GPR149: variants seen among roughly 807,000 people sequenced by gnomAD.
GPR149 encodes probable G protein-coupled receptor 149.
GPR149 carries 50 observed loss-of-function variants against 50.2 expected under a neutral mutation model. That is an observed-to-expected ratio of 1.00 (90% CI 0.79 to 1.26). The LOEUF is 1.26. GPR149 is among the 50% of genes most tolerant of loss of function. The pLI, the probability that GPR149 is intolerant of heterozygous loss-of-function variation, is 0.00. For missense variants in GPR149, 983 were observed against 895.4 expected, an observed-to-expected ratio of 1.10 and a Z score of -1.25; for synonymous variants, 405 against 358.2, an observed-to-expected ratio of 1.13 and a Z score of -1.48.
chr3:154,423,548 G>A (rs775338069), intron 2 of GPR149, among the ~76,000 whole-genome samples: 10 of 151,862 alleles, frequency 6.6e-5, no homozygotes, highest in Non-Finnish European at 1.5e-4. Flanking sequence ...TCACTTAAAT[G>A]GCAAATTCTG....
intron 3 of GPR149, among the ~76,000 whole-genome samples, chr3:154,361,472 T>C (rs1250989925): frequency 2.6e-5 from 4 of 152,240 alleles, no homozygotes; most frequent in Non-Finnish European, 4.4e-5. Flanking sequence ...ATTACTAAGA[T>C]ATTTGCATTT....
intron 3 of GPR149, among the ~76,000 whole-genome samples, chr3:154,383,476 A>G (rs1022469238): frequency 6.6e-6 from 1 of 152,138 alleles, no homozygotes; most frequent in Non-Finnish European, 1.5e-5. Flanking sequence ...CACAGTGAAT[A>G]TGGGGCACAC....
At chr3:154,357,968 T>A (rs918816397) in intron 3 of GPR149, among the ~76,000 whole-genome samples, 2 of 149,818 alleles carry the variant, frequency 1.3e-5, no homozygotes, top group Non-Finnish European at 2.9e-5. Flanking sequence ...CCATAAAAAA[T>A]GATGAGTTCA....
chr3:154,338,021 C>T lies in GPR149; in HGVS notation c.1874G>A (p.Cys625Tyr). The change falls in exon 4 of 4, where the codon TGT (cysteine) becomes TAT (tyrosine). Residue 625 changes from cysteine (C) to tyrosine (Y), a missense_variant. By Grantham distance (194) the Cys-to-Tyr change is radical. Coordinates refer to ENST00000389740, the MANE Select transcript of GPR149 (RefSeq NM_001038705.3). ...VKIHLEVLEI[C>Y]DNEEALDTVS... ...AGTGTCCAAGGCCTCTTCATTATCA[C>T]AAATTTCAAGAACCTCCAAGTGTAT... is the stretch of plus-strand genomic sequence containing the variant. The T allele has an allele frequency of 6.2e-7, 1 of 1,614,216 alleles. No homozygotes were observed. The highest frequency in any genetic ancestry group is 1.1e-5 in the South Asian group (1 of 91,082).
chr3:154,352,969 C>T (rs1198849241), intron 3 of GPR149: 1 of 1,024,532 alleles, frequency 9.8e-7, no homozygotes, highest in Non-Finnish European at 1.6e-6. Flanking sequence ...AGGTCTACTT[C>T]AGGAATGTGC....
Position 154,337,830 on chromosome 3 carries a change from T to G in GPR149, c.2065A>C (p.Ile689Leu), listed in dbSNP as rs1252009473. The change falls in exon 4 of 4, where the codon ATT (isoleucine) becomes CTT (leucine). Residue 689 changes from isoleucine to leucine, a missense_variant. Physicochemically the swap from Ile to Leu is conservative, Grantham distance 5. Transcript: ENST00000389740. ...SNPDGDINIS[I>L]PDTVEAHRQN... The stretch of plus-strand genomic sequence containing the variant: ...CTGTGTGCTTCTACTGTGTCTGGAA[T>G]GGAGATATTAATATCACCATCAGGA... The G allele has an allele frequency of 6.2e-7, 1 of 1,614,138 alleles. No individual in the cohort carries two copies.
At position 154,337,752 on chromosome 3, in the gene GPR149, G is replaced by A; in HGVS notation, c.2143C>T (p.Gln715Ter). 1 of 1,611,982 alleles carries A rather than the reference G, an allele frequency of 6.2e-7. No individual in the cohort carries two copies. Among genetic ancestry groups the A allele is most frequent in the Non-Finnish European group, 8.5e-7 (1 of 1,179,212 alleles). The change falls in exon 4 of 4, where the codon CAG becomes TAG. Residue 715 changes from glutamine to a stop codon, truncating the protein, a stop_gained. Transcript: ENST00000389740. LOFTEE classifies it high-confidence loss of function. ...QERDGYQEEI[Q>*]LLNKAYRKRE... ...TTTCTGTAAGCTTTATTTAACAACT[G>A]GATTTCCTCCTGGTAGCCATCCCTC... is the stretch of plus-strand genomic sequence containing the variant.
intron 3 of GPR149, among the ~76,000 whole-genome samples, chr3:154,367,240 C>T (rs1714551681): frequency 2.0e-5 from 3 of 152,144 alleles, no homozygotes; most frequent in Non-Finnish European, 4.4e-5. Context: ...ATATTCCTAA[C>T]ATCAGAATTT....
At chr3:154,427,238 T>A (rs1419976932) in intron 2 of GPR149, among the ~76,000 whole-genome samples, 1 of 152,074 alleles carries the variant, frequency 6.6e-6, no homozygotes, top group East Asian at 1.9e-4. Flanking sequence ...TGACATGGTG[T>A]GCTGAATGAA....
intron 3 of GPR149, among the ~76,000 whole-genome samples, chr3:154,363,503 C>T (rs1321509412): frequency 6.6e-6 from 1 of 152,076 alleles, no homozygotes; most frequent in Non-Finnish European, 1.5e-5. Flanking sequence ...GCAAAAATGA[C>T]AGGGAAGAGG....
rs1712418761 is a variant in GPR149, at chr3:154,429,356, A to G, written c.260T>C (p.Ile87Thr). Residue 87 changes from isoleucine (I) to threonine (T), a missense_variant, in exon 1 of 4, where the codon ATC becomes ACC. Transcript: ENST00000389740. ...DDLMSVLSVT[I>T]FMFLQWPNEV... ...GTTTGGCCACTGCAAAAACATGAAG[A>G]TGGTCACCGACAGGACGCTCATGAG... 2 of 1,614,036 alleles carry G rather than the reference A, an allele frequency of 1.2e-6. No homozygotes were observed. The highest frequency in any genetic ancestry group is 1.3e-5 in the African/African-American group (1 of 74,918).
At chr3:154,395,826 C>T (rs978576651) in intron 3 of GPR149, among the ~76,000 whole-genome samples, 1 of 152,010 alleles carries the variant, frequency 6.6e-6, no homozygotes, top group African/African-American at 2.4e-5. Flanking sequence ...AACAAACAAA[C>T]CAAATGTGAT....
chr3:154,404,091 CT>C (rs1194360799), intron 3 of GPR149, among the ~76,000 whole-genome samples: 2 of 152,162 alleles, frequency 1.3e-5, no homozygotes, highest in Non-Finnish European at 2.9e-5. Context: ...ATATATTTAA[CT>C]TTTGGAAATA....
chr3:154,359,598 C>T (rs943889759), intron 3 of GPR149, among the ~76,000 whole-genome samples: 3 of 152,192 alleles, frequency 2.0e-5, no homozygotes, highest in Non-Finnish European at 2.9e-5. Flanking sequence ...TCATAGACCT[C>T]TCCACAAATT....
At chr3:154,353,515 G>A (rs1043946248) in intron 3 of GPR149, 2 of 896,538 alleles carry the variant, frequency 2.2e-6, no homozygotes, top group Non-Finnish European at 3.8e-6. Context: ...CCACTCTGCA[G>A]ATGATCTTTG....
At chr3:154,382,101 C>T (rs1714941555) in intron 3 of GPR149, among the ~76,000 whole-genome samples, 1 of 151,990 alleles carries the variant, frequency 6.6e-6, no homozygotes, top group Admixed American at 6.6e-5. Context: ...TTTTCTTATC[C>T]CCTTTGCATG....
intron 3 of GPR149, among the ~76,000 whole-genome samples, chr3:154,345,436 C>G (rs985380952): frequency 6.6e-6 from 1 of 152,160 alleles, no homozygotes; most frequent in Non-Finnish European, 1.5e-5. Flanking sequence ...CTTTTGTAAT[C>G]TCTGCTTTCT....
chr3:154,428,806 G>GC lies in GPR149; in HGVS notation c.809dup (p.Ser270ArgfsTer17). 6.2e-7 allele frequency: 1 copy of GC among 1,613,886 alleles called. No homozygotes were observed. The highest frequency in any genetic ancestry group is 1.3e-5 in the African/African-American group (1 of 75,048). Reference sequence around the variant, plus strand: ...CACCCGGTCCGAACACGGTGTCGGAGCTCGGAGAGCATCCCCCAGAGCGCC... The same window carrying GC: ...CACCCGGTCCGAACACGGTGTCGGAGCCTCGGAGAGCATCCCCCAGAGCGCC... On this transcript the variant is annotated frameshift_variant, in exon 1 of 4. Coordinates refer to ENST00000389740, the MANE Select transcript of GPR149 (RefSeq NM_001038705.3). LOFTEE classifies it high-confidence loss of function.
intron 3 of GPR149, chr3:154,354,710 A>G (rs899308808): frequency 1.8e-6 from 1 of 559,516 alleles, no homozygotes; most frequent in Non-Finnish European, 2.8e-6. Flanking sequence ...GGTTCAATAA[A>G]TACCTTTTGC....
Sources: gnomAD v4.1 joint callset for allele counts (sites outside exome capture counted in the v4.1 genomes callset) on GRCh38, gnomAD v4.1.1 for gene constraint, MANE v1.5 for transcripts, NCBI Gene and HGNC (gene_info 2026-07-23, HGNC 2026-07-21) for gene names.